The following SPMIP6 variants were observed in gnomAD, a reference collection of about 807,000 sequenced individuals.
The protein encoded by SPMIP6 is sperm microtubule inner protein 6, also known as ciliated bronchial epithelial protein 1.
At chr9:34,394,557 GTTTTC>G in the SPMIP6 span, among the ~76,000 whole-genome samples, 2 of 152,186 alleles carry the variant, frequency 1.3e-5, no homozygotes, top group South Asian at 4.2e-4. Flanking sequence ...ATGGTGGTTT[GTTTTC>G]TTTTATCTCT....
the SPMIP6 span, among the ~76,000 whole-genome samples, chr9:34,385,203 A>T: frequency 6.6e-6 from 1 of 151,886 alleles, no homozygotes; most frequent in South Asian, 2.1e-4. Flanking sequence ...TTAGGGAAGA[A>T]ATCTAGGTCA....
At chr9:34,385,829 G>A in the SPMIP6 span, 9 of 1,575,102 alleles carry the variant, frequency 5.7e-6, no homozygotes, top group Non-Finnish European at 5.2e-6. Flanking sequence ...AGAGACCCCA[G>A]CCCTGGGGTC....
the SPMIP6 span, among the ~76,000 whole-genome samples, chr9:34,391,400 T>C: frequency 1.2e-4 from 18 of 152,170 alleles, no homozygotes; most frequent in African/African-American, 4.3e-4. Context: ...GTTTAACTTT[T>C]GCTCTTATTT....
At chr9:34,383,763 G>C in the SPMIP6 span, among the ~76,000 whole-genome samples, 1 of 152,134 alleles carries the variant, frequency 6.6e-6, no homozygotes, top group Non-Finnish European at 1.5e-5. Context: ...GGGGATAATA[G>C]TACCATTTAC....
the SPMIP6 span, among the ~76,000 whole-genome samples, chr9:34,389,286 G>A: frequency 6.6e-6 from 1 of 152,010 alleles, no homozygotes; most frequent in Admixed American, 6.6e-5. Flanking sequence ...TGCTTTCTGT[G>A]AATTATTTAA....
chr9:34,380,641 T>G, the SPMIP6 span: 33 of 1,524,510 alleles, frequency 2.2e-5, no homozygotes, highest in Non-Finnish European at 2.8e-5. Flanking sequence ...AGAGGCCAGG[T>G]TGACCTTGAG....
the SPMIP6 span, among the ~76,000 whole-genome samples, chr9:34,394,461 T>C: frequency 6.6e-6 from 1 of 152,152 alleles, no homozygotes; most frequent in East Asian, 1.9e-4. Context: ...GGCCCAATTA[T>C]TCTATATTAT....
At chr9:34,397,726 C>G in the SPMIP6 span, 1 of 1,360,288 alleles carries the variant, frequency 7.4e-7, no homozygotes, top group East Asian at 2.3e-5. Context: ...GGCCACACCT[C>G]CAGCCTGGCA....
chr9:34,397,650 T>C, the SPMIP6 span: 11 of 1,576,490 alleles, frequency 7.0e-6, no homozygotes, highest in Non-Finnish European at 9.5e-6. Context: ...GTCTTGGAGA[T>C]GCCGTGGTGG....
At chr9:34,381,290 G>A in the SPMIP6 span, 1 of 1,603,860 alleles carries the variant, frequency 6.2e-7, no homozygotes, top group Non-Finnish European at 8.5e-7. The surrounding 1 kb of genome is among the most constrained non-coding windows in gnomAD (Gnocchi z 4.4). Flanking sequence ...CCGTCCTTCA[G>A]GTACCCATCC....
At chr9:34,379,697 T>C in the SPMIP6 span, 1 of 1,614,104 alleles carries the variant, frequency 6.2e-7, no homozygotes, top group Non-Finnish European at 8.5e-7. The surrounding 1 kb of genome is among the most constrained non-coding windows in gnomAD (Gnocchi z 4.2). Flanking sequence ...AACAGCACAC[T>C]GCATTCCGGG....
chr9:34,387,672 T>C, the SPMIP6 span, among the ~76,000 whole-genome samples: 7 of 152,314 alleles, frequency 4.6e-5, no homozygotes, highest in South Asian at 1.5e-3. Context: ...ACATCGTCAA[T>C]TTTTCTGTTA....
chr9:34,382,918 TC>T, the SPMIP6 span: 2 of 1,198,980 alleles, frequency 1.7e-6, no homozygotes, highest in Non-Finnish European at 2.5e-6. Flanking sequence ...CTTACTCTAC[TC>T]CAGGATCTGA....
At chr9:34,380,922 A>G in the SPMIP6 span, 2 of 1,595,034 alleles carry the variant, frequency 1.3e-6, no homozygotes, top group Non-Finnish European at 1.7e-6. Context: ...TCCCGGCACC[A>G]AGGCCGCAGG....
chr9:34,380,095 A>T, the SPMIP6 span, among the ~76,000 whole-genome samples: 1 of 151,084 alleles, frequency 6.6e-6, no homozygotes, highest in Admixed American at 6.6e-5. Context: ...ACACTTTCCC[A>T]CTCCCCTATG....
chr9:34,395,202 A>C, the SPMIP6 span, among the ~76,000 whole-genome samples: 2 of 152,112 alleles, frequency 1.3e-5, no homozygotes, highest in African/African-American at 4.8e-5. Context: ...GGCTCAAGCA[A>C]TCTTCCTGTC....
At chr9:34,396,062 T>G in the SPMIP6 span, among the ~76,000 whole-genome samples, 1 of 152,232 alleles carries the variant, frequency 6.6e-6, no homozygotes, top group Non-Finnish European at 1.5e-5. Context: ...CAAAGATACA[T>G]GTATAAGAAT....
chr9:34,383,002 C>T, the SPMIP6 span: 2 of 688,844 alleles, frequency 2.9e-6, no homozygotes, highest in Non-Finnish European at 5.2e-6. Context: ...AGCCAGAGAC[C>T]CCAAGCCCAG....
At chr9:34,380,993 C>T in the SPMIP6 span, 3 of 1,609,590 alleles carry the variant, frequency 1.9e-6, no homozygotes, top group Non-Finnish European at 2.5e-6. Context: ...ACAGTAGTGG[C>T]GGCCCGAGCA....
Sources: allele counts gnomAD v4.1 joint callset (sites outside exome capture counted in the v4.1 genomes callset), GRCh38; gene constraint gnomAD v4.1.1; non-coding constraint Gnocchi (gnomAD v3.1); transcripts MANE v1.5; gene names NCBI Gene and HGNC (gene_info 2026-07-23, HGNC 2026-07-21).